The following LTBP2 variants were observed in gnomAD, a reference collection of about 807,000 sequenced individuals.
LTBP2 encodes the protein latent-transforming growth factor beta-binding protein 2.
In LTBP2, 103 loss-of-function variants were observed where a neutral mutation model predicts 210.6. The observed-to-expected ratio is 0.49, with a 90% CI of 0.42 to 0.58. LTBP2 has a LOEUF of 0.58. LTBP2 is among the 20% of genes least tolerant of loss of function. The probability of loss-of-function intolerance (pLI) is 0.00; values close to 1 mark genes in which losing one functional copy is unlikely to be tolerated. For synonymous variants in LTBP2, 1,007 were observed against 1,015.0 expected (o/e 0.99, Z 0.15); for missense variants, 2,313 against 2,494.5 (o/e 0.93, Z 1.55).
chr14:74,553,214 G>T lies in LTBP2; in HGVS notation c.1022-152C>A, dbSNP rs141296156. 1.1e-3 allele frequency: 830 copies of T among 749,168 alleles called. 6 individuals carry two copies. Among genetic ancestry groups the T allele is most frequent in the African/African-American group, 3.7e-3 (218 of 58,174 alleles). 46.4% of individuals were successfully genotyped at this position (749,168 alleles called of 1,614,324 possible). A position where few individuals can be genotyped will look rare whatever the true frequency, so the allele number is the denominator to read the frequency against. The stretch of plus-strand genomic sequence containing the variant: ...CTGGACGCAGGGTCCCATCGTAGGG[G>T]CAAGGTGATACCTTTGAGAAGCTCG... On this transcript the variant is annotated intron_variant, in intron 4 of 35. Coordinates refer to ENST00000261978, the MANE Select transcript of LTBP2 (RefSeq NM_000428.3).
chr14:74,581,032 C>T (rs780470929), intron 3 of LTBP2, among the ~76,000 whole-genome samples: 2 of 152,220 alleles, frequency 1.3e-5, no homozygotes, highest in Non-Finnish European at 2.9e-5. Flanking sequence ...GGAGCATCTC[C>T]AGCACATTTG....
chr14:74,572,844 T>C (rs891388224), intron 3 of LTBP2, among the ~76,000 whole-genome samples: 1 of 152,158 alleles, frequency 6.6e-6, no homozygotes, highest in African/African-American at 2.4e-5. Flanking sequence ...GAACCTTCCC[T>C]GGGCCATCTG....
intron 3 of LTBP2, among the ~76,000 whole-genome samples, chr14:74,562,794 C>T (rs1336331479): frequency 2.6e-5 from 4 of 152,176 alleles, no homozygotes; most frequent in South Asian, 2.1e-4. Flanking sequence ...CAGAAACAGA[C>T]GCTCTCGGAT....
intron 9 of LTBP2, among the ~76,000 whole-genome samples, chr14:74,535,278 A>G (rs986383566): frequency 2.0e-5 from 3 of 152,104 alleles, no homozygotes; most frequent in Non-Finnish European, 4.4e-5. Context: ...CTTGGAGGCC[A>G]TCTGGGTCAA....
chr14:74,544,007 A>G (rs1292711018), intron 8 of LTBP2, among the ~76,000 whole-genome samples: 1 of 152,194 alleles, frequency 6.6e-6, no homozygotes, highest in Non-Finnish European at 1.5e-5. Context: ...TAGAGGTGCC[A>G]CATGTCAGTG....
At position 74,499,323 on chromosome 14, in the gene LTBP2, G is replaced by A. The variant is rs1314282189; in HGVS notation, c.*1561C>T. On this transcript the variant is annotated 3_prime_UTR_variant, in exon 36 of 36. Coordinates refer to ENST00000261978, the MANE Select transcript of LTBP2 (RefSeq NM_000428.3). ...TAGGGACCTAGAGCAAATTATTTAA[G>A]CTTTCTATGTCTCAGTTTCCTCACC... 4.5e-6 allele frequency: 1 copy of A among 220,710 alleles called. No homozygotes were observed. The highest frequency in any genetic ancestry group is 2.2e-5 in the African/African-American group (1 of 44,614). The allele number at this position is 220,710 out of a possible 1,614,324, so 13.7% of individuals were successfully genotyped here. A position where few individuals can be genotyped will look rare whatever the true frequency, so the allele number is the denominator to read the frequency against.
At chr14:74,561,982 G>GC in intron 3 of LTBP2, among the ~76,000 whole-genome samples, 1 of 152,306 alleles carries the variant, frequency 6.6e-6, no homozygotes, top group African/African-American at 2.4e-5. Flanking sequence ...GGCCGAGGCG[G>GC]ATGGATCACC....
At chr14:74,550,540 G>T (rs1410297886) in intron 7 of LTBP2, among the ~76,000 whole-genome samples, 1 of 152,140 alleles carries the variant, frequency 6.6e-6, no homozygotes, top group Non-Finnish European at 1.5e-5. Flanking sequence ...CTATTCTTGG[G>T]TGCCTGGCCT....
intron 2 of LTBP2, among the ~76,000 whole-genome samples, chr14:74,600,949 G>A (rs1407919952): frequency 6.6e-6 from 1 of 152,140 alleles, no homozygotes; most frequent in Non-Finnish European, 1.5e-5. Flanking sequence ...GATTCCTAGA[G>A]GGTTGGGGGA....
At chr14:74,548,701 T>A (rs8011579) in intron 8 of LTBP2, among the ~76,000 whole-genome samples, 1 of 152,196 alleles carries the variant, frequency 6.6e-6, no homozygotes, top group African/African-American at 2.4e-5. Flanking sequence ...CTAATTACAA[T>A]AATGATAATG....
At chr14:74,551,437 C>T (rs2087655860) in intron 6 of LTBP2, 87 bp from the exon 7 acceptor site, 1 of 1,316,278 alleles carries the variant, frequency 7.6e-7, no homozygotes, top group South Asian at 1.5e-5. Context: ...CACCCCTGGG[C>T]CAGGCAGGCC....
chr14:74,511,906 C>T (rs1346077900), intron 18 of LTBP2, among the ~76,000 whole-genome samples: 1 of 152,204 alleles, frequency 6.6e-6, no homozygotes, highest in Non-Finnish European at 1.5e-5. Flanking sequence ...TAGGGTAGAG[C>T]TGGCAAAGCT....
At position 74,499,225 on chromosome 14, in the gene LTBP2, T is replaced by C; in HGVS notation, c.*1659A>G. 1 of 215,512 alleles carries C rather than the reference T, an allele frequency of 4.6e-6. No homozygotes were observed. The highest frequency in any genetic ancestry group is 9.4e-6 in the Non-Finnish European group (1 of 106,768). The allele number at this position is 215,512 out of a possible 1,614,324, so 13.3% of individuals were successfully genotyped here. On this transcript the variant is annotated 3_prime_UTR_variant, in exon 36 of 36. Transcript: ENST00000261978. ...ATGGTTTTAAGTTGCATTTCTTTTA[T>C]TATGAGTGAAAGAATATTTTTACAT...
At chr14:74,549,271 G>T (rs993558189) in intron 8 of LTBP2, among the ~76,000 whole-genome samples, 13 of 152,120 alleles carry the variant, frequency 8.5e-5, no homozygotes, top group Admixed American at 2.6e-4. Flanking sequence ...TCCTGAAATT[G>T]CAGTCCTTGG....
intron 17 of LTBP2, among the ~76,000 whole-genome samples, chr14:74,521,635 A>G (rs1481768985): frequency 6.6e-6 from 1 of 152,132 alleles, no homozygotes; most frequent in Non-Finnish European, 1.5e-5. Context: ...ATCTCCAGCC[A>G]TGTCTCCTGA....
At position 74,540,800 on chromosome 14, in the gene LTBP2, T is replaced by TA. The variant is rs1324397561; in HGVS notation, c.1790-4801dup. Among the ~76,000 whole-genome samples the TA allele has an allele frequency of 2.0e-3, 37 of 18,590 alleles. 1 individual carries two copies. The Non-Finnish European group carries it at 0.021, about 10-fold the overall frequency. 12.2% of individuals were successfully genotyped at this position (18,590 alleles called of 152,430 possible). On this transcript the variant is annotated intron_variant, in intron 8 of 35. Transcript: ENST00000261978. Reference sequence around the variant, plus strand: ...TATATATATTATATATATATTTATATATATATATAATATATATATATTTTT... The same window carrying TA: ...TATATATATTATATATATATTTATATAATATATATAATATATATATATTTTT...
At position 74,502,791 on chromosome 14, in the gene LTBP2, T is replaced by A. The variant is rs1252329062; in HGVS notation, c.5032A>T (p.Asn1678Tyr). The A allele has an allele frequency of 1.2e-6, 2 of 1,613,938 alleles. No individual in the cohort carries two copies. Among genetic ancestry groups the A allele is most frequent in the Non-Finnish European group, 8.5e-7 (1 of 1,179,924 alleles). Reference protein sequence around the residue: ...IYGPDGAPFYNYLGPEDTVPE... With the variant: ...IYGPDGAPFYYYLGPEDTVPE... ...ACGGTGTCCTCGGGGCCCAGGTAGT[T>A]GTAGAAGGGGGCCCCATCTGGGCCA... is the stretch of plus-strand genomic sequence containing the variant. Residue 1678 changes from asparagine (N) to tyrosine (Y), a missense_variant, in exon 34 of 36, where the codon AAC (asparagine) becomes TAC (tyrosine). Around this residue, in one of 3 missense-constraint regions of LTBP2, gnomAD observed 443 missense variants for 501.4 expected, o/e 0.88. Coordinates refer to ENST00000261978, the MANE Select transcript of LTBP2 (RefSeq NM_000428.3).
intron 20 of LTBP2, 104 bp downstream of exon 20, chr14:74,509,987 G>A: frequency 1.9e-6 from 3 of 1,609,330 alleles, no homozygotes; most frequent in Non-Finnish European, 2.5e-6. Flanking sequence ...GAATAGGGAT[G>A]CAAGGCCAGG....
chr14:74,608,744 A>T (rs1011813897), intron 1 of LTBP2, among the ~76,000 whole-genome samples: 11 of 119,530 alleles, frequency 9.2e-5, no homozygotes, highest in Admixed American at 7.8e-4. Flanking sequence ...AAAGAAAGAA[A>T]GAATAAAGAA....
Sources: allele counts gnomAD v4.1 joint callset (sites outside exome capture counted in the v4.1 genomes callset), GRCh38; gene constraint gnomAD v4.1.1; regional missense constraint gnomAD v4.1.1; transcripts MANE v1.5; gene names NCBI Gene and HGNC (gene_info 2026-07-23, HGNC 2026-07-21).